NSMAF: variants seen among roughly 807,000 people sequenced by gnomAD.
The protein encoded by NSMAF is protein FAN.
A neutral mutation model predicts 134.9 loss-of-function variants in NSMAF; 90 were observed. The observed-to-expected ratio is 0.67, with a 90% CI of 0.56 to 0.79. The LOEUF is 0.79. NSMAF is among the 30% of genes least tolerant of loss of function. The probability of loss-of-function intolerance (pLI) is 0.00; values close to 1 mark genes in which losing one functional copy is unlikely to be tolerated. For synonymous variants in NSMAF, 358 were observed against 389.6 expected (o/e 0.92, Z 0.96); for missense variants, 1,010 against 1,119.0 (o/e 0.90, Z 1.39).
intron 1 of NSMAF, among the ~76,000 whole-genome samples, chr8:58,650,152 T>C (rs1166796456): frequency 6.6e-6 from 1 of 152,230 alleles, no homozygotes; most frequent in East Asian, 1.9e-4. Context: ...TGAAGATTAG[T>C]ATTATTAATA....
chr8:58,659,832 G>A lies in NSMAF; in HGVS notation c.-201C>T, dbSNP rs1807824716. The A allele has an allele frequency of 3.5e-6, 1 of 288,012 alleles. No individual in the cohort carries two copies. Among genetic ancestry groups the A allele is most frequent in the Non-Finnish European group, 6.3e-6 (1 of 157,982 alleles). 17.8% of individuals were successfully genotyped at this position (288,012 alleles called of 1,614,324 possible). A position where few individuals can be genotyped will look rare whatever the true frequency, so the allele number is the denominator to read the frequency against. ...GCCGCGCTCACCGCAGCATCCTCGC[G>A]TGGGGACTCCGGCGGCACCGTGACT... On this transcript the variant is annotated 5_prime_UTR_variant, in exon 1 of 31. It adds an upstream start codon to the 5' untranslated region. Transcript: ENST00000038176.
rs1806407715 is a variant in NSMAF, at chr8:58,606,169, A to T, written c.760-134T>A. 1.3e-5 allele frequency: 10 copies of T among 750,592 alleles called. No individual in the cohort carries two copies. In the South Asian group the frequency reaches 2.2e-4, roughly 17 times the overall value. 46.5% of individuals were successfully genotyped at this position (750,592 alleles called of 1,614,324 possible). On this transcript the variant is annotated intron_variant, in intron 11 of 30. Coordinates refer to ENST00000038176, the MANE Select transcript of NSMAF (RefSeq NM_003580.4). Reference sequence around the variant, plus strand: ...TTTATAACTTATATTCCTATTTTCAATCTATAAATTTAACTCAGTGATATA... The same window carrying T: ...TTTATAACTTATATTCCTATTTTCATTCTATAAATTTAACTCAGTGATATA...
At chr8:58,592,930 T>C (rs1585727282) in intron 23 of NSMAF, among the ~76,000 whole-genome samples, 3 of 150,198 alleles carry the variant, frequency 2.0e-5, no homozygotes, top group African/African-American at 7.4e-5. Flanking sequence ...AAAAAAAACC[T>C]CTCTCTCCTT....
At chr8:58,613,532 AAAG>A (rs1411170654) in intron 9 of NSMAF, among the ~76,000 whole-genome samples, 12 of 152,242 alleles carry the variant, frequency 7.9e-5, no homozygotes, top group Non-Finnish European at 1.3e-4. Context: ...GAATTACCGA[AAAG>A]AAGGGAGAAA....
chr8:58,618,957 A>G (rs1806724475), intron 9 of NSMAF, among the ~76,000 whole-genome samples: 1 of 152,150 alleles, frequency 6.6e-6, no homozygotes, highest in Non-Finnish European at 1.5e-5. Flanking sequence ...CAGCAACTGG[A>G]TACATTAAAA....
chr8:58,586,298 C>G, intron 28 of NSMAF, 160 bp downstream of exon 28: 1 of 702,210 alleles, frequency 1.4e-6, no homozygotes, highest in Non-Finnish European at 2.4e-6. Flanking sequence ...GTATACTGTA[C>G]CCTGGCATAA....
chr8:58,592,801 C>T (rs1806046696), intron 23 of NSMAF, among the ~76,000 whole-genome samples: 1 of 151,900 alleles, frequency 6.6e-6, no homozygotes, highest in Non-Finnish European at 1.5e-5. Context: ...GCGGGAGAAT[C>T]GCTTGAACCC....
At chr8:58,655,330 G>A (rs1314464697) in intron 1 of NSMAF, among the ~76,000 whole-genome samples, 2 of 151,794 alleles carry the variant, frequency 1.3e-5, no homozygotes, top group South Asian at 2.1e-4. Flanking sequence ...CTCCACGGTG[G>A]ATAGTAAAGC....
intron 1 of NSMAF, among the ~76,000 whole-genome samples, chr8:58,644,681 C>T (rs1807403741): frequency 6.6e-6 from 1 of 152,176 alleles, no homozygotes; most frequent in South Asian, 2.1e-4. Context: ...TTTAATGCGG[C>T]ACTGTTCACA....
At chr8:58,601,085 A>C (rs1309680908) in intron 16 of NSMAF, 200 bp downstream of exon 16, 1 of 455,318 alleles carries the variant, frequency 2.2e-6, no homozygotes, top group African/African-American at 2.0e-5. Context: ...AGGTAGGACA[A>C]AAAGCTGTAC....
rs533271259 is a variant in NSMAF, at chr8:58,588,804, C to G, written c.2211+648G>C. On this transcript the variant is annotated intron_variant, in intron 26 of 30. Coordinates refer to ENST00000038176, the MANE Select transcript of NSMAF (RefSeq NM_003580.4). ...CCGGAGAGAGCTAACTTGACATTTT[C>G]TAATTAACTATAATCAACTAATATT... 1.4e-4 allele frequency: 124 copies of G among 897,350 alleles called. 1 individual carries two copies. The South Asian group carries it at 1.6e-3, about 11-fold the overall frequency. The allele number at this position is 897,350 out of a possible 1,614,324, so 55.6% of individuals were successfully genotyped here. A position where few individuals can be genotyped will look rare whatever the true frequency, so the allele number is the denominator to read the frequency against.
At chr8:58,645,800 G>T (rs1419307124) in intron 1 of NSMAF, among the ~76,000 whole-genome samples, 2 of 152,180 alleles carry the variant, frequency 1.3e-5, no homozygotes, top group Non-Finnish European at 2.9e-5. Flanking sequence ...CAGCACTTCG[G>T]GAGGCCAAGG....
chr8:58,586,255 G>C (rs1805882820), intron 28 of NSMAF: 1 of 624,586 alleles, frequency 1.6e-6, no homozygotes. Flanking sequence ...AAAATACCCA[G>C]TCCGGCTTTT....
At chr8:58,588,583 G>C (rs937227705) in intron 26 of NSMAF, 9 of 1,327,766 alleles carry the variant, frequency 6.8e-6, no homozygotes, top group Admixed American at 5.1e-5. Context: ...AAGCAAATAG[G>C]CATCAAAGAT....
intron 1 of NSMAF, among the ~76,000 whole-genome samples, chr8:58,648,949 C>T (rs1407558859): frequency 1.3e-5 from 2 of 152,234 alleles, no homozygotes; most frequent in Admixed American, 6.5e-5. Flanking sequence ...ATATAGTCCC[C>T]ACCAAGTGGA....
intron 30 of NSMAF, 100 bp from the exon 31 acceptor site, chr8:58,584,300 A>G: frequency 1.2e-6 from 1 of 808,548 alleles, no homozygotes; most frequent in South Asian, 1.5e-5. Flanking sequence ...TTCATTTACT[A>G]AACAAGTGAA....
intron 30 of NSMAF, among the ~76,000 whole-genome samples, chr8:58,585,317 G>GTTTTTTTTTTTT (rs571525208): frequency 3.8e-4 from 55 of 144,356 alleles, no homozygotes; most frequent in African/African-American, 1.4e-3. Flanking sequence ...TTGTTTCTGG[G>GTTTTTTTTTTTT]TTTTTTTTTT....
chr8:58,611,043 G>T (rs1019484881), intron 9 of NSMAF, among the ~76,000 whole-genome samples: 7 of 152,076 alleles, frequency 4.6e-5, no homozygotes, highest in Non-Finnish European at 1.0e-4. Flanking sequence ...ACTTCTGGAG[G>T]TAAATATTAT....
intron 9 of NSMAF, among the ~76,000 whole-genome samples, chr8:58,612,808 G>T (rs1034820747): frequency 1.2e-4 from 18 of 152,004 alleles, no homozygotes; most frequent in African/African-American, 4.1e-4. Context: ...AGCATAGTAG[G>T]AATTTCCCCA....
Sources: allele counts gnomAD v4.1 joint callset (sites outside exome capture counted in the v4.1 genomes callset), GRCh38; gene constraint gnomAD v4.1.1; transcripts MANE v1.5; gene names NCBI Gene and HGNC (gene_info 2026-07-23, HGNC 2026-07-21).